The following SYN3 variants were observed in gnomAD, a reference collection of about 807,000 sequenced individuals.
The protein encoded by SYN3 is synapsin-3.
In SYN3, 35 loss-of-function variants were observed where a neutral mutation model predicts 65.8. The ratio of observed to expected loss-of-function variants is 0.53; its 90% CI spans 0.41 to 0.70. The LOEUF (loss-of-function observed/expected upper bound fraction) is 0.70. Among genes scored for constraint, SYN3 ranks in the 30% least tolerant of loss-of-function variants. SYN3 has a pLI of 0.00. For missense variants in SYN3, 680 were observed against 749.0 expected, an observed-to-expected ratio of 0.91 and a Z score of 1.08; for synonymous variants, 270 against 292.9, an observed-to-expected ratio of 0.92 and a Z score of 0.80.
At chr22:32,981,179 T>C (rs2052362676) in intron 2 of SYN3, among the ~76,000 whole-genome samples, 1 of 150,606 alleles carries the variant, frequency 6.6e-6, no homozygotes, top group African/African-American at 2.4e-5. Context: ...TTATAGGTGG[T>C]GTGTGGTAGA....
intron 2 of SYN3, among the ~76,000 whole-genome samples, chr22:32,991,887 G>A (rs573575087): frequency 1.1e-4 from 16 of 152,288 alleles, no homozygotes; most frequent in Non-Finnish European, 2.9e-5. Context: ...GAAGATGCAC[G>A]TCCCAGGCAG....
intron 6 of SYN3, among the ~76,000 whole-genome samples, chr22:32,603,193 T>C (rs1418960374): frequency 1.3e-5 from 2 of 151,884 alleles, no homozygotes; most frequent in Non-Finnish European, 2.9e-5. Flanking sequence ...GTAGCATCCT[T>C]TCCCTCCCCC....
chr22:32,826,910 T>C (rs559682214), intron 6 of SYN3, among the ~76,000 whole-genome samples: 23 of 152,268 alleles, frequency 1.5e-4, no homozygotes, highest in Middle Eastern at 3.4e-3. Context: ...CTTATTCCAC[T>C]TGAGGGAACC....
At chr22:33,038,084 C>A (rs1442079907) in intron 1 of SYN3, among the ~76,000 whole-genome samples, 2 of 152,304 alleles carry the variant, frequency 1.3e-5, no homozygotes, top group Non-Finnish European at 2.9e-5. Flanking sequence ...CAATCCGGTG[C>A]CCTGCTGGCT....
chr22:33,016,746 G>A (rs941797146), intron 1 of SYN3, among the ~76,000 whole-genome samples: 5 of 151,792 alleles, frequency 3.3e-5, no homozygotes, highest in African/African-American at 1.2e-4. Flanking sequence ...TTTTTTGATT[G>A]GATTATTTAT....
intron 12 of SYN3, among the ~76,000 whole-genome samples, chr22:32,523,277 C>T (rs2057918085): frequency 6.6e-6 from 1 of 152,126 alleles, no homozygotes; most frequent in South Asian, 2.1e-4. Flanking sequence ...CTTTGGGAGG[C>T]CAAGGCAGGC....
chr22:33,042,090 AT>A (rs2053975180), intron 1 of SYN3, among the ~76,000 whole-genome samples: 1 of 152,180 alleles, frequency 6.6e-6, no homozygotes, highest in Non-Finnish European at 1.5e-5. Context: ...GGGTTAATGC[AT>A]TTACAAGAAA....
chr22:32,730,251 A>C (rs1289520414), intron 6 of SYN3, among the ~76,000 whole-genome samples: 2 of 152,142 alleles, frequency 1.3e-5, no homozygotes, highest in Non-Finnish European at 2.9e-5. Flanking sequence ...GACTAAACCT[A>C]CTGTGAGGTG....
At chr22:32,908,782 G>A (rs1305985231) in intron 4 of SYN3, among the ~76,000 whole-genome samples, 1 of 152,162 alleles carries the variant, frequency 6.6e-6, no homozygotes, top group Admixed American at 6.5e-5. Context: ...GGGCTAAGCA[G>A]TTTAAGCTGG....
At chr22:32,992,761 C>T (rs1374920260) in intron 2 of SYN3, among the ~76,000 whole-genome samples, 2 of 152,166 alleles carry the variant, frequency 1.3e-5, no homozygotes, top group African/African-American at 2.4e-5. Context: ...TGCAGTGAGG[C>T]AACATCACTC....
intron 7 of SYN3, among the ~76,000 whole-genome samples, chr22:32,572,408 TGTC>T (rs2058782368): frequency 1.1e-4 from 1 of 9,102 alleles, no homozygotes. Context: ...CCCTCCCTCC[TGTC>T]TTTCCTTCCT....
intron 3 of SYN3, among the ~76,000 whole-genome samples, chr22:32,946,165 C>G (rs927728885): frequency 3.3e-5 from 5 of 152,118 alleles, no homozygotes; most frequent in African/African-American, 1.2e-4. Context: ...TTAGAAATAC[C>G]GTTTGACCCA....
At position 32,511,329 on chromosome 22, in the gene SYN3, ACC is replaced by A. The variant is rs1273695955; in HGVS notation, c.*2361_*2362del. Among the ~76,000 whole-genome samples, 1 of 151,902 alleles carries A rather than the reference ACC, an allele frequency of 6.6e-6. No homozygotes were observed. The highest frequency in any genetic ancestry group is 1.5e-5 in the Non-Finnish European group (1 of 67,978). On this transcript the variant is annotated 3_prime_UTR_variant, in exon 14 of 14. Transcript: ENST00000358763. ...ATGACTGTGGGATATTGACCCCAGG[ACC>A]CCCACCTCCACCCACCTTGGGGGTC...
intron 3 of SYN3, among the ~76,000 whole-genome samples, chr22:32,943,122 G>C (rs1397088444): frequency 6.6e-6 from 1 of 152,146 alleles, no homozygotes; most frequent in Non-Finnish European, 1.5e-5. Flanking sequence ...CTCGAGAAGA[G>C]CAACTCCAAG....
intron 4 of SYN3, among the ~76,000 whole-genome samples, chr22:32,897,351 G>C (rs138080062): frequency 8.7e-4 from 132 of 152,322 alleles, no homozygotes; most frequent in Admixed American, 2.1e-3. Context: ...GAGCTGGGCT[G>C]CTCTCTTGGA....
chr22:32,560,992 T>C (rs938715788), intron 7 of SYN3, among the ~76,000 whole-genome samples: 1 of 152,158 alleles, frequency 6.6e-6, no homozygotes, highest in Non-Finnish European at 1.5e-5. Flanking sequence ...CCAAGGGCTT[T>C]GGCTGGAGCA....
At chr22:32,942,260 C>A (rs1184200683) in intron 3 of SYN3, among the ~76,000 whole-genome samples, 1 of 152,226 alleles carries the variant, frequency 6.6e-6, no homozygotes, top group African/African-American at 2.4e-5. Context: ...TCCAGAGGAA[C>A]AATCAGGCAG....
Position 32,716,541 on chromosome 22 carries a change from G to GT in SYN3, c.712-119806dup, listed in dbSNP as rs550046386. 1.3e-4 allele frequency among the ~76,000 whole-genome samples: 19 copies of GT among 151,996 alleles called. No individual in the cohort carries two copies. In the East Asian group the frequency reaches 3.5e-3, roughly 28 times the overall value. ...AATAACATAGCTGTTATTTTTGTTT[G>GT]TTTTTTTGAGACAGATTCTCACTCT... is the stretch of plus-strand genomic sequence containing the variant. On this transcript the variant is annotated intron_variant, in intron 6 of 13. Transcript: ENST00000358763.
Position 32,510,377 on chromosome 22 carries a change from C to T in SYN3, c.*3315G>A, listed in dbSNP as rs2057677702. On this transcript the variant is annotated 3_prime_UTR_variant, in exon 14 of 14. Coordinates refer to ENST00000358763, the MANE Select transcript of SYN3 (RefSeq NM_003490.4). Reference sequence around the variant, plus strand: ...ACTAGCTCTGCCCATGGCCGTGGCCCACAGGTTGAGAAACTTTGTCCAGCC... The same window carrying T: ...ACTAGCTCTGCCCATGGCCGTGGCCTACAGGTTGAGAAACTTTGTCCAGCC... Among the ~76,000 whole-genome samples the T allele has an allele frequency of 6.6e-6, 1 of 152,168 alleles. No individual in the cohort carries two copies. The highest frequency in any genetic ancestry group is 6.5e-5 in the Admixed American group (1 of 15,290).
Sources: gnomAD v4.1 joint callset for allele counts (sites outside exome capture counted in the v4.1 genomes callset) on GRCh38, gnomAD v4.1.1 for gene constraint, MANE v1.5 for transcripts, NCBI Gene and HGNC (gene_info 2026-07-23, HGNC 2026-07-21) for gene names.